Variants in GALNTL6 observed in about 807,000 individuals in gnomAD.
GALNTL6 encodes polypeptide N-acetylgalactosaminyltransferase like 6, also known as polypeptide N-acetylgalactosaminyltransferase-like 6.
Under a neutral mutation model 73.7 loss-of-function variants are expected in GALNTL6, and 46 were observed. The observed-to-expected ratio is 0.62, with a 90% CI of 0.49 to 0.80. GALNTL6 has a LOEUF of 0.80. GALNTL6 is among the 30% of genes least tolerant of loss of function. GALNTL6 has a pLI of 0.00. For missense variants in GALNTL6, 604 were observed against 755.0 expected, an observed-to-expected ratio of 0.80 and a Z score of 2.34; for synonymous variants, 259 against 263.7, an observed-to-expected ratio of 0.98 and a Z score of 0.17.
chr4:172,778,846 T>G (rs1332876535), intron 5 of GALNTL6, among the ~76,000 whole-genome samples: 1 of 152,172 alleles, frequency 6.6e-6, no homozygotes, highest in African/African-American at 2.4e-5. Flanking sequence ...CAGTTCAAAT[T>G]CGGAAAGTCG....
At chr4:172,679,362 G>A (rs1732495588) in intron 5 of GALNTL6, among the ~76,000 whole-genome samples, 1 of 146,520 alleles carries the variant, frequency 6.8e-6, no homozygotes, top group African/African-American at 2.5e-5. Context: ...AGTGAGCTGA[G>A]ATTGCCCCAT....
Position 172,450,400 on chromosome 4 carries a change from CCAT to C in GALNTL6, c.553+101716_553+101718del, listed in dbSNP as rs150528718. 5.9e-3 allele frequency among the ~76,000 whole-genome samples: 891 copies of C among 152,242 alleles called. 10 individuals carry two copies. Among genetic ancestry groups the C allele is most frequent in the African/African-American group, 0.02 (849 of 41,548 alleles). Reference sequence around the variant, plus strand: ...GTCTATCAACAAGCCCCTTCATTTGCCATCATCTCCACTAACATGATCCTTGCA... The same window carrying C: ...GTCTATCAACAAGCCCCTTCATTTGCCATCTCCACTAACATGATCCTTGCA... On this transcript the variant is annotated intron_variant, in intron 5 of 12. Coordinates refer to ENST00000506823, the MANE Select transcript of GALNTL6 (RefSeq NM_001034845.3).
intron 2 of GALNTL6, among the ~76,000 whole-genome samples, chr4:171,983,079 A>G (rs1739954130): frequency 6.6e-6 from 1 of 152,134 alleles, no homozygotes; most frequent in African/African-American, 2.4e-5. Flanking sequence ...CTCAGGTGAC[A>G]GATGCTCCTA....
At chr4:172,865,389 T>G (rs768739682) in intron 7 of GALNTL6, among the ~76,000 whole-genome samples, 2 of 152,244 alleles carry the variant, frequency 1.3e-5, no homozygotes, top group Non-Finnish European at 2.9e-5. Context: ...CACAGTCTCA[T>G]TCAGTAGAGT....
chr4:172,186,045 T>C (rs1031915730), intron 2 of GALNTL6, among the ~76,000 whole-genome samples: 2 of 152,176 alleles, frequency 1.3e-5, no homozygotes, highest in Admixed American at 1.3e-4. Context: ...TGGCATAAGA[T>C]GTTTTAAGTG....
At chr4:172,246,316 A>G (rs1176548419) in intron 3 of GALNTL6, among the ~76,000 whole-genome samples, 2 of 152,190 alleles carry the variant, frequency 1.3e-5, no homozygotes, top group Non-Finnish European at 2.9e-5. Flanking sequence ...ATAGCAATCT[A>G]ATAGTATTTG....
intron 2 of GALNTL6, among the ~76,000 whole-genome samples, chr4:171,828,488 T>C (rs1488326652): frequency 1.3e-5 from 2 of 152,200 alleles, no homozygotes; most frequent in African/African-American, 2.4e-5. Flanking sequence ...ATACGTACCG[T>C]AGATGGAAGT....
intron 5 of GALNTL6, among the ~76,000 whole-genome samples, chr4:172,351,183 C>CTGTCTATCTATCTATCTATT (rs528746102): frequency 7.6e-6 from 1 of 131,438 alleles, no homozygotes; most frequent in African/African-American, 3.3e-5. Flanking sequence ...AATAATCTGT[C>CTGTCTATCTATCTATCTATT]TATCTATCTA....
chr4:172,777,977 G>A (rs1364064545), intron 5 of GALNTL6, among the ~76,000 whole-genome samples: 1 of 152,138 alleles, frequency 6.6e-6, no homozygotes, highest in Non-Finnish European at 1.5e-5. Context: ...ATCATTTATT[G>A]CTTTCCATTG....
At chr4:171,947,092 A>G (rs912775064) in intron 2 of GALNTL6, among the ~76,000 whole-genome samples, 3 of 152,074 alleles carry the variant, frequency 2.0e-5, no homozygotes, top group Non-Finnish European at 4.4e-5. Flanking sequence ...ATTTTTGAAT[A>G]CTTTCTTACA....
intron 5 of GALNTL6, among the ~76,000 whole-genome samples, chr4:172,387,362 T>G (rs749582335): frequency 6.6e-6 from 1 of 152,196 alleles, no homozygotes; most frequent in Non-Finnish European, 1.5e-5. Context: ...ATCACTAAGT[T>G]TTTGTTTATC....
intron 10 of GALNTL6, among the ~76,000 whole-genome samples, chr4:173,003,859 C>T (rs897296742): frequency 6.6e-5 from 10 of 152,202 alleles, no homozygotes; most frequent in African/African-American, 9.6e-5. Flanking sequence ...TCACCCAGAA[C>T]GGTCATTTCC....
chr4:172,302,445 C>T (rs1030281714), intron 3 of GALNTL6, among the ~76,000 whole-genome samples: 5 of 152,144 alleles, frequency 3.3e-5, no homozygotes, highest in African/African-American at 7.2e-5. Flanking sequence ...AGAAATCATT[C>T]GTCTTCTGCT....
intron 5 of GALNTL6, among the ~76,000 whole-genome samples, chr4:172,587,305 G>T (rs1737449160): frequency 6.6e-6 from 1 of 152,106 alleles, no homozygotes; most frequent in African/African-American, 2.4e-5. Flanking sequence ...TAGCAAAATG[G>T]ACTTGATTGC....
At chr4:172,496,892 A>G (rs1001422149) in intron 5 of GALNTL6, among the ~76,000 whole-genome samples, 9 of 152,202 alleles carry the variant, frequency 5.9e-5, no homozygotes, top group Admixed American at 5.9e-4. Flanking sequence ...CTTATATTAC[A>G]TGATTCCTTT....
intron 12 of GALNTL6, among the ~76,000 whole-genome samples, chr4:173,032,511 C>A (rs1370908563): frequency 2.0e-5 from 3 of 151,516 alleles, no homozygotes; most frequent in African/African-American, 4.9e-5. Context: ...CATGGCAAAA[C>A]CCCATCTCTA....
intron 5 of GALNTL6, among the ~76,000 whole-genome samples, chr4:172,573,566 T>C (rs1362231030): frequency 6.6e-6 from 1 of 152,134 alleles, no homozygotes; most frequent in Non-Finnish European, 1.5e-5. Context: ...AAATAAGTGG[T>C]ATGGTAATGT....
intron 2 of GALNTL6, among the ~76,000 whole-genome samples, chr4:172,011,427 T>C (rs1284662799): frequency 6.6e-6 from 1 of 152,130 alleles, no homozygotes; most frequent in East Asian, 1.9e-4. Context: ...ACTTTTTTTA[T>C]TGAAATGTGT....
At chr4:172,993,064 G>T (rs1268330573) in intron 10 of GALNTL6, among the ~76,000 whole-genome samples, 3 of 152,132 alleles carry the variant, frequency 2.0e-5, no homozygotes, top group Non-Finnish European at 4.4e-5. Context: ...CATAATCTTT[G>T]CAAAGGCAGT....
Sources: gnomAD v4.1 joint callset for allele counts (sites outside exome capture counted in the v4.1 genomes callset) on GRCh38, gnomAD v4.1.1 for gene constraint, MANE v1.5 for transcripts, NCBI Gene and HGNC (gene_info 2026-07-23, HGNC 2026-07-21) for gene names.